Variants in DRICH1 observed in about 807,000 individuals in gnomAD.
DRICH1 encodes aspartate rich 1.
DRICH1 carries 38 observed loss-of-function variants against 39.5 expected under a neutral mutation model. The ratio of observed to expected loss-of-function variants is 0.96; its 90% CI spans 0.74 to 1.26. The LOEUF (loss-of-function observed/expected upper bound fraction) is 1.26. Ranked by LOEUF, DRICH1 falls within the 50% of genes most tolerant of loss-of-function variation. DRICH1 has a pLI of 0.00. For missense variants in DRICH1, 279 were observed against 270.4 expected, an observed-to-expected ratio of 1.03 and a Z score of -0.22; for synonymous variants, 84 against 99.5, an observed-to-expected ratio of 0.84 and a Z score of 0.93.
At chr22:23,590,894 G>A in the DRICH1 span, among the ~76,000 whole-genome samples, 1 of 152,202 alleles carries the variant, frequency 6.6e-6, no homozygotes, top group Admixed American at 6.5e-5. Flanking sequence ...AAAGTGCTAG[G>A]ACTACAGGCG....
intron 8 of DRICH1, 74 bp from the exon 9 acceptor site, chr22:23,614,288 T>C: frequency 9.7e-7 from 1 of 1,026,198 alleles, no homozygotes. Context: ...CTTTGCTGGA[T>C]GTGGTGTATG....
Position 23,631,805 on chromosome 22 carries a change from G to C in DRICH1, c.208+11C>G. 6 of 1,610,460 alleles carry C rather than the reference G, an allele frequency of 3.7e-6. No individual in the cohort carries two copies. The highest frequency in any genetic ancestry group is 5.1e-6 in the Non-Finnish European group (6 of 1,178,860). On this transcript the variant is annotated intron_variant, in intron 1 of 11. Coordinates refer to ENST00000317749, the MANE Select transcript of DRICH1 (RefSeq NM_016449.4). ...GTGCCAGAGGGTAAACGGCACCCGT[G>C]GCTTTTTTACCTGTGGGCATCTTTT...
chr22:23,626,652 G>A (rs1451350119), intron 1 of DRICH1, among the ~76,000 whole-genome samples: 1 of 152,156 alleles, frequency 6.6e-6, no homozygotes, highest in Non-Finnish European at 1.5e-5. Flanking sequence ...TCTGCAAGAA[G>A]TTATTCCAGA....
the DRICH1 span, among the ~76,000 whole-genome samples, chr22:23,589,527 A>T: frequency 6.6e-6 from 1 of 152,030 alleles, no homozygotes; most frequent in Non-Finnish European, 1.5e-5. Context: ...TAAAATAAAA[A>T]ATATATAAAT....
At chr22:23,611,272 C>T (rs1486126742) in intron 11 of DRICH1, among the ~76,000 whole-genome samples, 1 of 152,182 alleles carries the variant, frequency 6.6e-6, no homozygotes, top group Non-Finnish European at 1.5e-5. Flanking sequence ...GACCCACATT[C>T]CCCATCTGTA....
chr22:23,627,717 A>G (rs1928152424), intron 1 of DRICH1, among the ~76,000 whole-genome samples: 1 of 152,168 alleles, frequency 6.6e-6, no homozygotes, highest in Non-Finnish European at 1.5e-5. Flanking sequence ...AGCAGGAGCC[A>G]AGGGGCAGGG....
At chr22:23,584,821 G>C in the DRICH1 span, among the ~76,000 whole-genome samples, 924 of 152,184 alleles carry the variant, frequency 6.1e-3, 7 homozygotes, top group African/African-American at 0.021. Flanking sequence ...TTTTGAGACA[G>C]GGTCTCACTC....
At chr22:23,620,101 C>A (rs1361088211) in intron 5 of DRICH1, among the ~76,000 whole-genome samples, 2 of 152,128 alleles carry the variant, frequency 1.3e-5, no homozygotes, top group Admixed American at 1.3e-4. Context: ...TACTCAAAAG[C>A]CCATAAACAT....
At chr22:23,581,890 C>T in the DRICH1 span, among the ~76,000 whole-genome samples, 3 of 151,848 alleles carry the variant, frequency 2.0e-5, no homozygotes, top group African/African-American at 7.3e-5. Context: ...AGGTGTGAGC[C>T]ACCGCGCCTG....
intron 3 of DRICH1, among the ~76,000 whole-genome samples, chr22:23,623,101 T>C (rs1927861914): frequency 6.6e-6 from 1 of 152,198 alleles, no homozygotes; most frequent in African/African-American, 2.4e-5. Flanking sequence ...CAAAAAATAT[T>C]GGTACAAGAT....
intron 11 of DRICH1, among the ~76,000 whole-genome samples, chr22:23,611,301 T>A (rs1927019980): frequency 6.6e-6 from 1 of 152,102 alleles, no homozygotes; most frequent in Non-Finnish European, 1.5e-5. Context: ...AAAACAAAAC[T>A]AATTCTGTCT....
intron 11 of DRICH1, among the ~76,000 whole-genome samples, chr22:23,612,679 A>C (rs976306758): frequency 2.6e-5 from 4 of 152,086 alleles, no homozygotes; most frequent in Admixed American, 1.3e-4. Flanking sequence ...AGGCTGGAAA[A>C]GTGCTCAAGG....
chr22:23,588,069 A>G, the DRICH1 span, among the ~76,000 whole-genome samples: 1 of 152,128 alleles, frequency 6.6e-6, no homozygotes, highest in Non-Finnish European at 1.5e-5. Context: ...TCTTCTCCAC[A>G]GCAGTAGTTC....
At chr22:23,586,705 G>A in the DRICH1 span, among the ~76,000 whole-genome samples, 2 of 152,150 alleles carry the variant, frequency 1.3e-5, no homozygotes, top group South Asian at 2.1e-4. Flanking sequence ...CACCATGCCC[G>A]GCTAATTATT....
the DRICH1 span, among the ~76,000 whole-genome samples, chr22:23,603,252 C>A: frequency 6.6e-6 from 1 of 151,850 alleles, no homozygotes; most frequent in Non-Finnish European, 1.5e-5. Flanking sequence ...GAAATCCAGT[C>A]TCCCTCGGGC....
downstream of DRICH1, among the ~76,000 whole-genome samples, chr22:23,605,080 T>C (rs1056362948): frequency 3.9e-5 from 6 of 152,128 alleles, no homozygotes; most frequent in African/African-American, 1.2e-4. Context: ...ATTTGTACAA[T>C]GGGGATCACA....
chr22:23,603,134 C>T, the DRICH1 span, among the ~76,000 whole-genome samples: 12 of 151,736 alleles, frequency 7.9e-5, no homozygotes, highest in Non-Finnish European at 1.3e-4. Flanking sequence ...GCCTCCCACA[C>T]ATTAAGAATT....
At chr22:23,610,017 T>C (rs898189069) in intron 11 of DRICH1, among the ~76,000 whole-genome samples, 3 of 151,884 alleles carry the variant, frequency 2.0e-5, no homozygotes, top group East Asian at 3.9e-4. Flanking sequence ...TTACGAACCA[T>C]CTCCTATGCC....
chr22:23,619,467 G>T (rs1927581308), intron 5 of DRICH1, 74 bp from the exon 6 acceptor site: 1 of 765,042 alleles, frequency 1.3e-6, no homozygotes, highest in Non-Finnish European at 2.4e-6. Context: ...TGGTAATGTT[G>T]AAAAAGAACA....
Sources: gnomAD v4.1 joint callset for allele counts (sites outside exome capture counted in the v4.1 genomes callset) on GRCh38, gnomAD v4.1.1 for gene constraint, MANE v1.5 for transcripts, NCBI Gene and HGNC (gene_info 2026-07-23, HGNC 2026-07-21) for gene names.